The following ARHGEF10 variants were observed in gnomAD, a reference collection of about 807,000 sequenced individuals.
The protein encoded by ARHGEF10 is Rho guanine nucleotide exchange factor 10.
ARHGEF10 carries 140 observed loss-of-function variants against 147.4 expected under a neutral mutation model. The ratio of observed to expected loss-of-function variants is 0.95; its 90% CI spans 0.83 to 1.09. The LOEUF (loss-of-function observed/expected upper bound fraction) is 1.09, where lower values mean the gene tolerates loss of function less well. Ranked by LOEUF, ARHGEF10 falls within the 50% of genes least tolerant of loss-of-function variation. ARHGEF10 has a pLI of 0.00. For missense variants in ARHGEF10, 2,222 were observed against 1,752.7 expected (o/e 1.27, Z -4.78); for synonymous variants, 902 against 695.8 (o/e 1.30, Z -4.67).
At chr8:1,874,826 GAC>G (rs1807529686) in intron 7 of ARHGEF10, among the ~76,000 whole-genome samples, 1 of 144,656 alleles carries the variant, frequency 6.9e-6, no homozygotes, top group Non-Finnish European at 1.5e-5. Context: ...GAACAGTGGA[GAC>G]ACACACCACG....
chr8:1,892,859 T>G lies in ARHGEF10; in HGVS notation c.1183-710T>G, dbSNP rs184890102. Among the ~76,000 whole-genome samples the G allele has an allele frequency of 1.6e-3, 248 of 152,278 alleles. 2 individuals carry two copies. Among genetic ancestry groups the G allele is most frequent in the Non-Finnish European group, 2.0e-3 (134 of 68,008 alleles). ...CAATGATCACTAGCTGGACTGTGTT[T>G]AGAATGAGGGAAATGCCGGGCGTCC... On this transcript the variant is annotated intron_variant, in intron 11 of 28. Transcript: ENST00000349830.
Position 1,957,224 on chromosome 8 carries a change from G to T in ARHGEF10, c.3996G>T (p.Pro1332=), listed in dbSNP as rs756352427. Residue 1332 remains proline (P), a synonymous_variant, in exon 29 of 29, where the codon CCG becomes CCT. Coordinates refer to ENST00000349830, the MANE Select transcript of ARHGEF10 (RefSeq NM_014629.4). Reference sequence around the variant, plus strand: ...AGCCCCACCAGGAAGAGCTGGCGCCGACCGTCATGGTCTGGCAGATCCCTC... The same window carrying T: ...AGCCCCACCAGGAAGAGCTGGCGCCTACCGTCATGGTCTGGCAGATCCCTC... The part of the protein sequence containing the change: ...ARQPHQEELA[P]TVMVWQIPLL... 5.0e-6 allele frequency: 8 copies of T among 1,611,764 alleles called. No individual in the cohort carries two copies. The African/African-American group carries it at 5.3e-5, about 11-fold the overall frequency.
intron 18 of ARHGEF10, among the ~76,000 whole-genome samples, chr8:1,918,127 C>A (rs1346285312): frequency 6.6e-6 from 1 of 152,168 alleles, no homozygotes; most frequent in Admixed American, 6.5e-5. Flanking sequence ...TGAAAATCAA[C>A]ATGAAACAGT....
chr8:1,945,372 C>G, intron 26 of ARHGEF10, 109 bp from the exon 27 acceptor site: 1 of 1,329,194 alleles, frequency 7.5e-7, no homozygotes, highest in Non-Finnish European at 1.0e-6. Context: ...AAGCCTGCTA[C>G]TGTGTTGCAG....
intron 3 of ARHGEF10, among the ~76,000 whole-genome samples, chr8:1,859,210 G>T (rs983800526): frequency 0.038 from 2,782 of 73,476 alleles, no homozygotes; most frequent in South Asian, 0.066. Flanking sequence ...TGTTTCTTTG[G>T]CCATAGCACC....
intron 11 of ARHGEF10, among the ~76,000 whole-genome samples, chr8:1,887,972 G>A (rs928632319): frequency 2.6e-5 from 4 of 151,186 alleles, no homozygotes; most frequent in Non-Finnish European, 5.9e-5. Flanking sequence ...GACACTGTGA[G>A]TGGGGTGAGA....
chr8:1,938,119 G>A (rs1813773224), intron 26 of ARHGEF10, among the ~76,000 whole-genome samples: 1 of 152,202 alleles, frequency 6.6e-6, no homozygotes, highest in Non-Finnish European at 1.5e-5. Flanking sequence ...GCCGCACGGT[G>A]CCAGTCACAG....
chr8:1,867,867 T>A (rs949944050), intron 6 of ARHGEF10, among the ~76,000 whole-genome samples: 18 of 152,238 alleles, frequency 1.2e-4, no homozygotes, highest in African/African-American at 4.3e-4. Flanking sequence ...GTTTTCATTC[T>A]GGTTTCAATT....
rs142592407 is a variant in ARHGEF10 at position 1,923,867 on chromosome 8, C to A, written c.2481C>A (p.Leu827=). The A allele has an allele frequency of 6.2e-7, 1 of 1,614,050 alleles. No homozygotes were observed. The highest frequency in any genetic ancestry group is 8.5e-7 in the Non-Finnish European group (1 of 1,179,946). ...TCAACAGCTTACAGATGGCCAAGCT[C>A]GCCCTAGGTAAGGCCTGGCTGGCTG... is the stretch of plus-strand genomic sequence containing the variant. The part of the protein sequence containing the change: ...SWVNSLQMAK[L]ALEEENHMGW... Residue 827 remains leucine, a synonymous_variant, in exon 21 of 29, where the codon CTC becomes CTA. Coordinates refer to ENST00000349830, the MANE Select transcript of ARHGEF10 (RefSeq NM_014629.4).
chr8:1,925,825 G>A (rs769740267), intron 22 of ARHGEF10, among the ~76,000 whole-genome samples: 3 of 152,206 alleles, frequency 2.0e-5, no homozygotes, highest in Non-Finnish European at 4.4e-5. Context: ...TCTCCAGGGT[G>A]GCGTCTTATT....
chr8:1,863,372 G>C (rs557143229), intron 4 of ARHGEF10, among the ~76,000 whole-genome samples: 2 of 152,356 alleles, frequency 1.3e-5, no homozygotes, highest in East Asian at 3.9e-4. Context: ...CTCCAAGCAG[G>C]TTACATCGAG....
At chr8:1,916,531 C>T (rs930205370) in intron 18 of ARHGEF10, among the ~76,000 whole-genome samples, 1 of 152,186 alleles carries the variant, frequency 6.6e-6, no homozygotes, top group African/African-American at 2.4e-5. Context: ...CTGTTCAGTG[C>T]TGTGGTTTCA....
chr8:1,920,875 C>T (rs1337253851), intron 18 of ARHGEF10, among the ~76,000 whole-genome samples: 1 of 151,474 alleles, frequency 6.6e-6, no homozygotes. Context: ...ACCTCCTCCG[C>T]CTTCCAGCTT....
intron 14 of ARHGEF10, among the ~76,000 whole-genome samples, chr8:1,897,180 G>A (rs1262419534): frequency 8.5e-5 from 13 of 152,230 alleles, no homozygotes; most frequent in Non-Finnish European, 7.3e-5. Flanking sequence ...CTTGGAAACT[G>A]CTGCTACCTG....
At chr8:1,854,746 T>C (rs142279705) in intron 2 of ARHGEF10, among the ~76,000 whole-genome samples, 27 of 152,352 alleles carry the variant, frequency 1.8e-4, no homozygotes, top group South Asian at 4.1e-4. Flanking sequence ...AAAAAACAGT[T>C]TGAAGCTTGC....
At chr8:1,836,518 C>T (rs1244699262) in intron 1 of ARHGEF10, among the ~76,000 whole-genome samples, 1 of 152,160 alleles carries the variant, frequency 6.6e-6, no homozygotes, top group Non-Finnish European at 1.5e-5. Flanking sequence ...AGAAGACAGG[C>T]TCTAGACCCC....
Position 1,841,371 on chromosome 8 carries a change from C to T in ARHGEF10, c.-47-1982C>T, listed in dbSNP as rs1329874720. On this transcript the variant is annotated intron_variant, in intron 1 of 28. Coordinates refer to ENST00000349830, the MANE Select transcript of ARHGEF10 (RefSeq NM_014629.4). Reference sequence around the variant, plus strand: ...ACACTGATGAGCAGCGCCTCCAGGGCGATTTTGGAAAGCAGAAAGGGGGTC... The same window carrying T: ...ACACTGATGAGCAGCGCCTCCAGGGTGATTTTGGAAAGCAGAAAGGGGGTC... Among the ~76,000 whole-genome samples the T allele has an allele frequency of 5.3e-5, 8 of 152,216 alleles. No homozygotes were observed. The South Asian group carries it at 6.2e-4, about 12-fold the overall frequency.
intron 14 of ARHGEF10, among the ~76,000 whole-genome samples, chr8:1,897,451 T>C (rs565811312): frequency 6.7e-6 from 1 of 150,006 alleles, no homozygotes; most frequent in East Asian, 2.0e-4. Context: ...GTTCCCACTC[T>C]CGACAGTTGT....
At chr8:1,951,432 T>G (rs2129287886) in intron 27 of ARHGEF10, among the ~76,000 whole-genome samples, 1 of 152,366 alleles carries the variant, frequency 6.6e-6, no homozygotes, top group Middle Eastern at 3.4e-3. Context: ...ATGCATATTA[T>G]TGAGCTTTTA....
Sources: allele counts gnomAD v4.1 joint callset (sites outside exome capture counted in the v4.1 genomes callset), GRCh38; gene constraint gnomAD v4.1.1; transcripts MANE v1.5; gene names NCBI Gene and HGNC (gene_info 2026-07-23, HGNC 2026-07-21).